CTPS2: variants seen among roughly 807,000 people sequenced by gnomAD.
CTPS2 encodes CTP synthase 2.
CTPS2 carries 19 observed loss-of-function variants against 46.8 expected under a neutral mutation model. The ratio of observed to expected loss-of-function variants is 0.41; its 90% confidence interval spans 0.28 to 0.60. The LOEUF (loss-of-function observed/expected upper bound fraction) is 0.60, where lower values mean the gene tolerates loss of function less well. CTPS2 is among the 20% of genes least tolerant of loss of function. The pLI is 0.35. For missense variants in CTPS2, 286 were observed against 447.6 expected, an observed-to-expected ratio of 0.64 and a Z score of 3.26; for synonymous variants, 151 against 165.2, an observed-to-expected ratio of 0.91 and a Z score of 0.66.
At position 16,633,666 on chromosome X, in the gene CTPS2, A is replaced by G. The variant is rs183664687; in HGVS notation, c.1393+5481T>C. ...TAAAGACTTCAGACCTGGGCACTAT[A>G]TACACAAGTAAATCAACATTCGAAG... is the stretch of plus-strand genomic sequence containing the variant. On this transcript the variant is annotated intron_variant, in intron 14 of 18. Transcript: ENST00000359276. 6.3e-3 allele frequency among the ~76,000 whole-genome samples: 702 copies of G among 112,173 alleles called. 19 individuals are homozygous for G. The highest frequency in any genetic ancestry group is 0.059 in the Admixed American group (625 of 10,516).
rs771175906 is a variant in CTPS2, at chrX:16,637,846, T to C, written c.1393+1301A>G. ...CTGTATTCACTTTGAAGCCTTTCCT[T>C]TTTTAATTTCATTCTGGCTAGGAAG... On this transcript the variant is annotated intron_variant, in intron 14 of 18. Transcript: ENST00000359276. Among the ~76,000 whole-genome samples the C allele has an allele frequency of 3.6e-5, 4 of 112,599 alleles. No homozygotes were observed. The South Asian group carries it at 1.5e-3, about 41-fold the overall frequency.
intron 18 of CTPS2, among the ~76,000 whole-genome samples, chrX:16,590,539 AT>A (rs111774126): frequency 2.0e-4 from 22 of 108,253 alleles, no homozygotes; most frequent in East Asian, 1.2e-3. Context: ...GTGTACTTAT[AT>A]TTTTTTTTTC....
At chrX:16,693,314 A>G (rs1448839289) in intron 5 of CTPS2, 57 bp downstream of exon 5, 82 of 1,068,312 alleles carry the variant, frequency 7.7e-5, no homozygotes, top group Non-Finnish European at 1.0e-4. Context: ...GGACACATAG[A>G]ATATCATAGG....
intron 14 of CTPS2, among the ~76,000 whole-genome samples, chrX:16,626,071 T>G (rs1307951814): frequency 9.1e-6 from 1 of 110,351 alleles, no homozygotes; most frequent in Non-Finnish European, 1.9e-5. Context: ...TCATCTAGAG[T>G]AGTCAAACCC....
At chrX:16,611,674 A>G (rs1930271137) in intron 16 of CTPS2, among the ~76,000 whole-genome samples, 1 of 111,493 alleles carries the variant, frequency 9.0e-6, no homozygotes, top group African/African-American at 3.3e-5. Context: ...GACTAGTTCT[A>G]TCATTGCAGT....
At chrX:16,679,200 A>T (rs1298722588) in intron 9 of CTPS2, among the ~76,000 whole-genome samples, 1 of 110,390 alleles carries the variant, frequency 9.1e-6, no homozygotes. Flanking sequence ...TCTACTAAAA[A>T]TATAAAAATT....
intron 17 of CTPS2, among the ~76,000 whole-genome samples, chrX:16,599,784 C>CT (rs1428105974): frequency 5.8e-5 from 5 of 86,561 alleles, no homozygotes; most frequent in Middle Eastern, 6.8e-3. Context: ...CACCCCCCCC[C>CT]TTTTTTTTTC....
intron 1 of CTPS2, 120 bp from the exon 2 acceptor site, chrX:16,703,061 A>C: frequency 2.2e-6 from 1 of 459,932 alleles, no homozygotes; most frequent in Non-Finnish European, 3.5e-6. Flanking sequence ...TCTTACTGTC[A>C]CCCAGGCTGG....
At chrX:16,650,599 G>A (rs1225410335) in intron 13 of CTPS2, among the ~76,000 whole-genome samples, 2 of 91,271 alleles carry the variant, frequency 2.2e-5, no homozygotes, top group South Asian at 6.1e-4. Context: ...TGCAACCTCC[G>A]CCTCCCGGGT....
At chrX:16,632,623 C>T (rs1467657264) in intron 14 of CTPS2, among the ~76,000 whole-genome samples, 2 of 110,931 alleles carry the variant, frequency 1.8e-5, no homozygotes, top group Non-Finnish European at 3.8e-5. Flanking sequence ...AAGGTTTCAC[C>T]ATGATAGCCA....
chrX:16,655,176 A>G (rs146488231), intron 13 of CTPS2, among the ~76,000 whole-genome samples: 4,750 of 112,005 alleles, frequency 0.042, 270 homozygotes, highest in African/African-American at 0.15. Flanking sequence ...GCTATCTCCC[A>G]GCACTCGCTG....
intron 17 of CTPS2, among the ~76,000 whole-genome samples, chrX:16,606,801 G>A (rs539180194): frequency 4.6e-5 from 5 of 109,601 alleles, no homozygotes; most frequent in African/African-American, 1.7e-4. Context: ...TCCCTCTGTC[G>A]CCCAAGCTGG....
At chrX:16,591,947 A>C (rs775416479) in intron 17 of CTPS2, among the ~76,000 whole-genome samples, 1 of 111,790 alleles carries the variant, frequency 8.9e-6, no homozygotes, top group Non-Finnish European at 1.9e-5. Flanking sequence ...ATAACTCTCC[A>C]TGACTCTCTA....
chrX:16,600,206 T>C (rs892141361), intron 17 of CTPS2, among the ~76,000 whole-genome samples: 6 of 112,036 alleles, frequency 5.4e-5, no homozygotes, highest in African/African-American at 1.9e-4. Context: ...TAGCAATGCC[T>C]CATATAGCCC....
At chrX:16,662,836 T>C (rs1933001779) in intron 13 of CTPS2, among the ~76,000 whole-genome samples, 1 of 111,108 alleles carries the variant, frequency 9.0e-6, no homozygotes, top group African/African-American at 3.3e-5. Context: ...CTCACTTATG[T>C]GTATAGGAGC....
At chrX:16,590,517 A>G (rs1023765784) in intron 18 of CTPS2, among the ~76,000 whole-genome samples, 53 of 111,298 alleles carry the variant, frequency 4.8e-4, no homozygotes, top group African/African-American at 1.7e-3. Flanking sequence ...GCCCCCACAT[A>G]TACATTTATA....
At chrX:16,666,516 T>C (rs1921200631) in intron 13 of CTPS2, among the ~76,000 whole-genome samples, 1 of 111,264 alleles carries the variant, frequency 9.0e-6, no homozygotes. Context: ...GGCAACATAG[T>C]GAGACCTTGT....
intron 17 of CTPS2, among the ~76,000 whole-genome samples, chrX:16,597,173 G>C (rs1398289016): frequency 1.8e-5 from 2 of 111,424 alleles, no homozygotes; most frequent in South Asian, 7.5e-4. Context: ...AGTTTCTTTT[G>C]CTGTGCAGAA....
intron 14 of CTPS2, among the ~76,000 whole-genome samples, chrX:16,628,538 G>A (rs948836608): frequency 9.1e-6 from 1 of 110,315 alleles, no homozygotes; most frequent in East Asian, 2.9e-4. Flanking sequence ...GCTAATTTTT[G>A]TAGTTTTAGT....
Sources: gnomAD v4.1 joint callset for allele counts (sites outside exome capture counted in the v4.1 genomes callset) on GRCh38, gnomAD v4.1.1 for gene constraint, MANE v1.5 for transcripts, NCBI Gene and HGNC (gene_info 2026-07-23, HGNC 2026-07-21) for gene names.